Variants in RELN observed in about 807,000 individuals in gnomAD.
The protein encoded by RELN is reelin.
In RELN, 108 loss-of-function variants were observed where a neutral mutation model predicts 427.6. That is an observed-to-expected ratio of 0.25 (90% CI 0.22 to 0.30). The LOEUF (loss-of-function observed/expected upper bound fraction) is 0.30. RELN is among the 10% of genes least tolerant of loss of function. The pLI, the probability that RELN is intolerant of heterozygous loss-of-function variation, is 1.00. For missense variants in RELN, 3,715 were observed against 4,302.8 expected (o/e 0.86, Z 3.82); for synonymous variants, 1,524 against 1,513.4 (o/e 1.01, Z -0.16).
At chr7:103,706,037 A>G (rs868771191) in intron 8 of RELN, among the ~76,000 whole-genome samples, 7 of 152,208 alleles carry the variant, frequency 4.6e-5, no homozygotes, top group Non-Finnish European at 8.8e-5. Context: ...ACTGCTTACT[A>G]AAGAACTTAC....
At position 103,833,598 on chromosome 7, in the gene RELN, T is replaced by C. The variant is rs1793327055; in HGVS notation, c.412A>G (p.Thr138Ala). ...VVASHVSHLPTTNLSFIWIAP... is the reference protein window; with the variant it reads ...VVASHVSHLPATNLSFIWIAP... ...ATCCAGATGAAACTGAGGTTGGTTG[T>C]GGGCAGGTGACTCACGTGAGAGGCT... The change falls in exon 3 of 65, where the codon ACA becomes GCA. Residue 138 changes from threonine to alanine, a missense_variant. Around this residue, in one of 4 missense-constraint regions of RELN, gnomAD observed 2,208 missense variants for 2,361.7 expected, o/e 0.93. Transcript: ENST00000428762. 1 of 1,613,878 alleles carries C rather than the reference T, an allele frequency of 6.2e-7. No individual in the cohort carries two copies.
intron 1 of RELN, among the ~76,000 whole-genome samples, chr7:103,986,121 G>C (rs1211058477): frequency 2.0e-5 from 3 of 152,082 alleles, no homozygotes; most frequent in Non-Finnish European, 2.9e-5. Context: ...ATGATGTATA[G>C]AGACCTCCTT....
chr7:103,737,527 CTTCTT>C (rs1562981154), intron 6 of RELN, among the ~76,000 whole-genome samples: 1 of 152,156 alleles, frequency 6.6e-6, no homozygotes, highest in Non-Finnish European at 1.5e-5. Flanking sequence ...GCTTGTTTGA[CTTCTT>C]TTCGTTTGTG....
intron 22 of RELN, among the ~76,000 whole-genome samples, chr7:103,606,075 T>C (rs1359581483): frequency 6.6e-6 from 1 of 152,202 alleles, no homozygotes; most frequent in African/African-American, 2.4e-5. Context: ...ATGCATTATC[T>C]TAGAGCAGAG....
At chr7:103,901,397 C>A (rs1156615255) in intron 2 of RELN, among the ~76,000 whole-genome samples, 1 of 151,842 alleles carries the variant, frequency 6.6e-6, no homozygotes, top group African/African-American at 2.4e-5. Context: ...AATTCTACAC[C>A]CAGGTATATA....
At chr7:103,845,079 G>A (rs1270122225) in intron 2 of RELN, among the ~76,000 whole-genome samples, 1 of 152,072 alleles carries the variant, frequency 6.6e-6, no homozygotes, top group Non-Finnish European at 1.5e-5. Flanking sequence ...GCAATGTTTT[G>A]TCTAAATAAC....
intron 2 of RELN, among the ~76,000 whole-genome samples, chr7:103,874,512 C>G (rs564578405): frequency 0.011 from 1,657 of 145,580 alleles, 37 homozygotes; most frequent in African/African-American, 0.038. Flanking sequence ...AGCAAAGTCT[C>G]AGGATACAAA....
chr7:103,988,283 TATTATATTTC>T lies in RELN; in HGVS notation c.226+838_226+847del, dbSNP rs1797145129. ...AGCTTAAAATACATGTACTACATAA[TATTATATTTC>T]TTGGAGCTAAATTTTATTTCTTCTG... On this transcript the variant is annotated intron_variant, in intron 1 of 64. Transcript: ENST00000428762. This position sits in a 1 kb window ranked among gnomAD's most constrained non-coding sequence, Gnocchi z 4.9. Among the ~76,000 whole-genome samples the T allele has an allele frequency of 1.3e-5, 2 of 152,368 alleles. No individual in the cohort carries two copies. The highest frequency in any genetic ancestry group is 1.3e-4 in the Admixed American group (2 of 15,306).
intron 6 of RELN, among the ~76,000 whole-genome samples, chr7:103,741,901 G>A (rs1443874228): frequency 6.6e-6 from 1 of 152,068 alleles, no homozygotes; most frequent in Non-Finnish European, 1.5e-5. Flanking sequence ...ATTTCCAAGT[G>A]AGCTTTGAAG....
chr7:103,687,431 G>T (rs1833786297), intron 10 of RELN, among the ~76,000 whole-genome samples: 1 of 152,128 alleles, frequency 6.6e-6, no homozygotes, highest in Admixed American at 6.6e-5. Context: ...AAGCCATTTG[G>T]CATCTCCGAG....
intron 3 of RELN, among the ~76,000 whole-genome samples, chr7:103,780,626 C>T (rs1275729496): frequency 2.6e-5 from 4 of 152,160 alleles, no homozygotes; most frequent in Non-Finnish European, 5.9e-5. Flanking sequence ...CATTTAGCTC[C>T]CACTTATCAG....
At chr7:103,733,182 T>G (rs562305402) in intron 6 of RELN, among the ~76,000 whole-genome samples, 1 of 152,228 alleles carries the variant, frequency 6.6e-6, no homozygotes, top group Admixed American at 6.5e-5. Context: ...AAAAAACACA[T>G]GAAAGAATGC....
chr7:103,747,442 C>T lies in RELN; in HGVS notation c.656+1984G>A, dbSNP rs549550123. Among the ~76,000 whole-genome samples the T allele has an allele frequency of 1.2e-4, 18 of 151,662 alleles. No individual in the cohort carries two copies. The East Asian group carries it at 1.9e-3, about 16-fold the overall frequency. On this transcript the variant is annotated intron_variant, in intron 6 of 64. Coordinates refer to ENST00000428762, the MANE Select transcript of RELN (RefSeq NM_005045.4). The stretch of plus-strand genomic sequence containing the variant: ...AATAAAATTAAAAAAATAAAAAGAA[C>T]GGTATTTGCCTACTTTTACCGCACA...
At chr7:103,792,886 G>C (rs1792202802) in intron 3 of RELN, among the ~76,000 whole-genome samples, 1 of 152,086 alleles carries the variant, frequency 6.6e-6, no homozygotes, top group African/African-American at 2.4e-5. Flanking sequence ...TAATACTGGG[G>C]ACAGTCTGGT....
intron 25 of RELN, 25 bp from the exon 26 acceptor site, chr7:103,594,517 G>C (rs368854642): frequency 5.0e-6 from 8 of 1,607,362 alleles, no homozygotes; most frequent in Non-Finnish European, 6.8e-6. Context: ...ATCATTTACG[G>C]TTGGGAAAAC....
At chr7:103,732,165 G>A (rs2115957230) in intron 6 of RELN, among the ~76,000 whole-genome samples, 1 of 152,216 alleles carries the variant, frequency 6.6e-6, no homozygotes, top group Non-Finnish European at 1.5e-5. Flanking sequence ...TGACAGTTTA[G>A]GATATAGTTG....
chr7:103,979,476 T>C (rs1407326443), intron 1 of RELN, among the ~76,000 whole-genome samples: 1 of 152,202 alleles, frequency 6.6e-6, no homozygotes, highest in Non-Finnish European at 1.5e-5. Flanking sequence ...GTTGCTCTGC[T>C]TTTTTTCTCA....
intron 8 of RELN, among the ~76,000 whole-genome samples, chr7:103,717,701 A>T (rs1789973430): frequency 6.6e-6 from 1 of 152,046 alleles, no homozygotes; most frequent in Admixed American, 6.6e-5. Context: ...TTATACTTAG[A>T]GGTGTCCATG....
intron 6 of RELN, among the ~76,000 whole-genome samples, chr7:103,745,654 C>T (rs1371358808): frequency 4.0e-5 from 6 of 150,980 alleles, no homozygotes; most frequent in South Asian, 4.2e-4. Flanking sequence ...CATGAGTGAA[C>T]TCCCATTCAC....
Sources: gnomAD v4.1 joint callset for allele counts (sites outside exome capture counted in the v4.1 genomes callset) on GRCh38, gnomAD v4.1.1 for gene constraint, gnomAD v4.1.1 regional missense constraint, Gnocchi (gnomAD v3.1) non-coding constraint, MANE v1.5 for transcripts, NCBI Gene and HGNC (gene_info 2026-07-23, HGNC 2026-07-21) for gene names.